The following NTM variants were observed in gnomAD, a reference collection of about 807,000 sequenced individuals.
NTM encodes the protein IgLON family member 2.
Under a neutral mutation model 42.1 loss-of-function variants are expected in NTM, and 13 were observed. That is an observed-to-expected ratio of 0.31 (90% CI 0.20 to 0.49). The LOEUF (loss-of-function observed/expected upper bound fraction) is 0.49. NTM is among the 20% of genes least tolerant of loss of function. NTM has a pLI of 0.99. For synonymous variants in NTM, 187 were observed against 179.2 expected, an observed-to-expected ratio of 1.04 and a Z score of -0.35; for missense variants, 373 against 452.8, an observed-to-expected ratio of 0.82 and a Z score of 1.60.
intron 1 of NTM, among the ~76,000 whole-genome samples, chr11:131,836,544 C>T (rs4937662): frequency 0.43 from 65,814 of 151,994 alleles, 16,310 homozygotes; most frequent in Non-Finnish European, 0.56. Context: ...ATTATCTACA[C>T]TAGTATGCAA....
At chr11:132,170,859 A>G (rs11222963) in intron 3 of NTM, among the ~76,000 whole-genome samples, 2 of 152,194 alleles carry the variant, frequency 1.3e-5, no homozygotes, top group Non-Finnish European at 2.9e-5. Flanking sequence ...TAGGAAAATG[A>G]GTGATAAATG....
chr11:132,044,114 G>A (rs12798064), intron 2 of NTM, among the ~76,000 whole-genome samples: 55,832 of 128,658 alleles, frequency 0.43, 12,956 homozygotes, highest in East Asian at 0.76. Context: ...GTGTGTATGT[G>A]TATGTGTGTG....
intron 1 of NTM, among the ~76,000 whole-genome samples, chr11:131,666,273 A>G (rs1398752857): frequency 6.6e-6 from 1 of 152,156 alleles, no homozygotes; most frequent in Non-Finnish European, 1.5e-5. Context: ...GCCATAGAAT[A>G]TGGCTCATGA....
rs542848383 is a variant in NTM, at chr11:131,502,580, C to T, written c.82+131692C>T. Reference sequence around the variant, plus strand: ...TGCAAGAGAGTGAGGAGTCGGGGCCCATGCTGCTGCATTCCCCGGCGTCTC... The same window carrying T: ...TGCAAGAGAGTGAGGAGTCGGGGCCTATGCTGCTGCATTCCCCGGCGTCTC... On this transcript the variant is annotated intron_variant, in intron 1 of 8. Transcript: ENST00000683400. Among the ~76,000 whole-genome samples the T allele has an allele frequency of 9.2e-5, 14 of 152,200 alleles. No homozygotes were observed. The South Asian group carries it at 2.5e-3, about 27-fold the overall frequency.
chr11:132,000,327 C>T (rs1342292576), intron 2 of NTM, among the ~76,000 whole-genome samples: 1 of 152,194 alleles, frequency 6.6e-6, no homozygotes, highest in African/African-American at 2.4e-5. Flanking sequence ...AAAAGATTTC[C>T]ATATCATCAA....
chr11:131,615,453 C>T (rs2137582729), intron 1 of NTM, among the ~76,000 whole-genome samples: 1 of 152,186 alleles, frequency 6.6e-6, no homozygotes, highest in African/African-American at 2.4e-5. Context: ...GAAACCTCTG[C>T]CTCCCAGGTT....
At chr11:131,589,438 T>C (rs1279799257) in intron 1 of NTM, among the ~76,000 whole-genome samples, 1 of 152,134 alleles carries the variant, frequency 6.6e-6, no homozygotes, top group Non-Finnish European at 1.5e-5. Flanking sequence ...AATTAAAAGC[T>C]GACTACACAT....
At chr11:131,942,543 G>A (rs2059908065) in intron 2 of NTM, among the ~76,000 whole-genome samples, 1 of 152,152 alleles carries the variant, frequency 6.6e-6, no homozygotes. Flanking sequence ...TGGTTTGGTG[G>A]ACACATAACA....
intron 1 of NTM, among the ~76,000 whole-genome samples, chr11:131,440,291 C>T (rs1380926423): frequency 6.6e-6 from 1 of 152,002 alleles, no homozygotes; most frequent in Non-Finnish European, 1.5e-5. Flanking sequence ...TGCTAAAAAG[C>T]CCTTTGGAAG....
chr11:131,755,619 A>G (rs551142112), intron 1 of NTM, among the ~76,000 whole-genome samples: 2 of 152,326 alleles, frequency 1.3e-5, no homozygotes, highest in African/African-American at 4.8e-5. Context: ...TTTATTTCCA[A>G]AACTTGGCAA....
At chr11:131,858,364 T>G (rs2046309117) in intron 1 of NTM, among the ~76,000 whole-genome samples, 1 of 152,068 alleles carries the variant, frequency 6.6e-6, no homozygotes, top group Non-Finnish European at 1.5e-5. Context: ...CACATTGCTT[T>G]GCAATTATTG....
chr11:131,407,779 C>A (rs574038011), intron 1 of NTM, among the ~76,000 whole-genome samples: 2 of 152,176 alleles, frequency 1.3e-5, no homozygotes, highest in African/African-American at 4.8e-5. Flanking sequence ...GGCTGGCTCC[C>A]GGGCAGGGAG....
intron 7 of NTM, among the ~76,000 whole-genome samples, chr11:132,323,180 A>G (rs1219715412): frequency 7.5e-5 from 11 of 147,098 alleles, no homozygotes; most frequent in African/African-American, 2.8e-4. Context: ...AACTAAAATC[A>G]GAGCAGAACT....
intron 1 of NTM, among the ~76,000 whole-genome samples, chr11:131,737,762 G>A (rs1173619269): frequency 6.6e-6 from 1 of 152,060 alleles, no homozygotes; most frequent in Non-Finnish European, 1.5e-5. Flanking sequence ...GGAGTGAGCA[G>A]GAGGCAGGAT....
chr11:132,128,249 T>C (rs1160578329), intron 2 of NTM, among the ~76,000 whole-genome samples: 2 of 148,614 alleles, frequency 1.3e-5, no homozygotes. Context: ...TTTTTTTTTT[T>C]ACATTGATAA....
intron 1 of NTM, among the ~76,000 whole-genome samples, chr11:131,646,870 T>G (rs1314263905): frequency 6.6e-6 from 1 of 152,204 alleles, no homozygotes; most frequent in Admixed American, 6.5e-5. Context: ...TTTTATATTA[T>G]AGAAGACATA....
intron 2 of NTM, among the ~76,000 whole-genome samples, chr11:132,097,411 G>T (rs1192957944): frequency 6.6e-6 from 1 of 152,206 alleles, no homozygotes; most frequent in African/African-American, 2.4e-5. Context: ...TGTTGCACTG[G>T]AGGCCAGGAT....
At chr11:132,108,024 A>G (rs2062633799) in intron 2 of NTM, among the ~76,000 whole-genome samples, 1 of 152,158 alleles carries the variant, frequency 6.6e-6, no homozygotes, top group African/African-American at 2.4e-5. Context: ...GTTTTACTCA[A>G]ACCTTGTTAA....
chr11:132,030,549 C>G lies in NTM; in HGVS notation c.168-115733C>G, dbSNP rs377147135. ...ACCATGGCCAGGGGCTTAAATGGGA[C>G]TAGAGATAGAGGTGGTCTTGGAAGC... On this transcript the variant is annotated intron_variant, in intron 2 of 8. Coordinates refer to ENST00000683400, the MANE Select transcript of NTM (RefSeq NM_001352005.2). Among the ~76,000 whole-genome samples, 23 of 152,202 alleles carry G rather than the reference C, an allele frequency of 1.5e-4. No homozygotes were observed. In the South Asian group the frequency reaches 4.4e-3, roughly 29 times the overall value.
Sources: gnomAD v4.1 joint callset for allele counts (sites outside exome capture counted in the v4.1 genomes callset) on GRCh38, gnomAD v4.1.1 for gene constraint, MANE v1.5 for transcripts, NCBI Gene and HGNC (gene_info 2026-07-23, HGNC 2026-07-21) for gene names.